LRRC28: variants seen among roughly 807,000 people sequenced by gnomAD.
LRRC28 encodes leucine rich repeat containing 28, also known as leucine-rich repeat-containing protein 28.
A neutral mutation model predicts 45.7 loss-of-function variants in LRRC28; 39 were observed. The observed-to-expected ratio is 0.85, with a 90% confidence interval of 0.66 to 1.12. LRRC28 has a LOEUF of 1.12. Ranked by LOEUF, LRRC28 falls within the 50% of genes most tolerant of loss-of-function variation. The pLI, the probability that LRRC28 is intolerant of heterozygous loss-of-function variation, is 0.00. For missense variants in LRRC28, 435 were observed against 438.5 expected (o/e 0.99, Z 0.07); for synonymous variants, 206 against 178.8 (o/e 1.15, Z -1.22).
chr15:99,308,383 G>A (rs773033979), intron 5 of LRRC28, among the ~76,000 whole-genome samples: 1 of 152,074 alleles, frequency 6.6e-6, no homozygotes, highest in Non-Finnish European at 1.5e-5. Flanking sequence ...TCATGTACTA[G>A]TGACAGATCA....
intron 2 of LRRC28, among the ~76,000 whole-genome samples, chr15:99,260,618 G>T (rs1000782607): frequency 6.6e-6 from 1 of 152,216 alleles, no homozygotes; most frequent in Non-Finnish European, 1.5e-5. Context: ...TCAGATATAT[G>T]ACAGCTTACA....
At chr15:99,259,628 G>T in intron 2 of LRRC28, 1 of 1,488,024 alleles carries the variant, frequency 6.7e-7, no homozygotes, top group Non-Finnish European at 9.4e-7. Flanking sequence ...AACGGGCAAG[G>T]GCATCTCTAC....
intron 5 of LRRC28, among the ~76,000 whole-genome samples, chr15:99,313,641 C>A (rs763102256): frequency 6.6e-6 from 1 of 152,160 alleles, no homozygotes; most frequent in Non-Finnish European, 1.5e-5. Context: ...TCTTATAGGG[C>A]AGGTTTGCTA....
chr15:99,381,848 T>C (rs534755243), intron 9 of LRRC28, among the ~76,000 whole-genome samples: 3 of 152,330 alleles, frequency 2.0e-5, no homozygotes, highest in African/African-American at 7.2e-5. Context: ...GAACAGCAAA[T>C]ATTGCTGAAC....
In LRRC28 at chr15:99,310,915, G is replaced by T. The variant is rs111262385; in HGVS notation, c.385+22964G>T. Among the ~76,000 whole-genome samples the T allele has an allele frequency of 7.9e-5, 12 of 152,202 alleles. 2 individuals carry two copies. Among genetic ancestry groups the T allele is most frequent in the African/African-American group, 2.9e-4 (12 of 41,536 alleles). On this transcript the variant is annotated intron_variant, in intron 5 of 9. Transcript: ENST00000301981. The stretch of plus-strand genomic sequence containing the variant: ...TTTCTTATCACTGTTACCCACAGAG[G>T]TATTTGCAGGCCTTTTTGACATTTT...
chr15:99,313,554 A>C (rs1003122043), intron 5 of LRRC28, among the ~76,000 whole-genome samples: 1 of 152,178 alleles, frequency 6.6e-6, no homozygotes, highest in African/African-American at 2.4e-5. Flanking sequence ...CCATAAAGCA[A>C]TTCAAAAGAA....
At chr15:99,335,023 T>G (rs778508916) in intron 6 of LRRC28, among the ~76,000 whole-genome samples, 42 of 152,166 alleles carry the variant, frequency 2.8e-4, no homozygotes, top group Non-Finnish European at 5.6e-4. Context: ...TAATCAAATT[T>G]GAGGAGATTA....
intron 9 of LRRC28, among the ~76,000 whole-genome samples, chr15:99,369,010 A>G (rs73464677): frequency 0.018 from 2,711 of 152,262 alleles, 78 homozygotes; most frequent in African/African-American, 0.062. Context: ...TTTCCATCCA[A>G]CAGAACACAA....
chr15:99,358,866 T>A (rs1597425036), intron 7 of LRRC28, among the ~76,000 whole-genome samples: 1 of 152,162 alleles, frequency 6.6e-6, no homozygotes, highest in South Asian at 2.1e-4. Flanking sequence ...TCACTTGAGG[T>A]CAGAAGTTCA....
intron 2 of LRRC28, among the ~76,000 whole-genome samples, chr15:99,274,149 A>C (rs1016122194): frequency 2.0e-5 from 3 of 152,234 alleles, no homozygotes; most frequent in African/African-American, 7.2e-5. Flanking sequence ...AATGAAATAC[A>C]AATGGTACTG....
intron 3 of LRRC28, among the ~76,000 whole-genome samples, chr15:99,284,324 C>T (rs1200231825): frequency 6.6e-6 from 1 of 151,864 alleles, no homozygotes; most frequent in African/African-American, 2.4e-5. Context: ...GATCACACTA[C>T]TATATTTAGC....
At chr15:99,305,527 G>C (rs1164729743) in intron 5 of LRRC28, among the ~76,000 whole-genome samples, 1 of 151,998 alleles carries the variant, frequency 6.6e-6, no homozygotes, top group Non-Finnish European at 1.5e-5. Context: ...ATGTTTATAA[G>C]AAAAAAGTAT....
At chr15:99,284,698 G>T in intron 3 of LRRC28, 1 of 515,798 alleles carries the variant, frequency 1.9e-6, no homozygotes, top group South Asian at 1.4e-5. Flanking sequence ...GTTTGGCCAA[G>T]TATTGGACTC....
chr15:99,354,427 A>G (rs1002817103), intron 7 of LRRC28, among the ~76,000 whole-genome samples: 2 of 152,136 alleles, frequency 1.3e-5, no homozygotes, highest in African/African-American at 4.8e-5. Context: ...AGTTCAAAGT[A>G]GTGTTGCTTA....
chr15:99,321,942 T>C (rs1296323832), intron 5 of LRRC28, among the ~76,000 whole-genome samples: 2 of 152,154 alleles, frequency 1.3e-5, no homozygotes, highest in South Asian at 2.1e-4. Context: ...GATGCTACAA[T>C]TGAGAAATAG....
intron 6 of LRRC28, among the ~76,000 whole-genome samples, chr15:99,340,332 G>A (rs904254047): frequency 1.3e-5 from 2 of 152,146 alleles, no homozygotes; most frequent in African/African-American, 4.8e-5. Context: ...TTTGTAAATG[G>A]CATATAAAAG....
In LRRC28 at chr15:99,361,343, G is replaced by A. The variant is rs752287069; in HGVS notation, c.703G>A (p.Ala235Thr). 1.2e-6 allele frequency: 2 copies of A among 1,612,186 alleles called. No individual in the cohort carries two copies. The highest frequency in any genetic ancestry group is 1.3e-5 in the African/African-American group (1 of 74,946). ...NKVIGCSGCG[A>T]PIQVSEVKLL... ...ATGTGTGTCTTTCTGCAGCTGTGGTGCTCCCATTCAAGTTTCCGAGGTGAA... is the reference window on the plus strand; with the variant it reads ...ATGTGTGTCTTTCTGCAGCTGTGGTACTCCCATTCAAGTTTCCGAGGTGAA... Residue 235 changes from alanine to threonine, a missense_variant, in exon 8 of 10, where the codon GCT (alanine) becomes ACT (threonine). Coordinates refer to ENST00000301981, the MANE Select transcript of LRRC28 (RefSeq NM_144598.5).
chr15:99,376,262 T>G (rs1312387587), intron 9 of LRRC28, among the ~76,000 whole-genome samples: 2 of 152,176 alleles, frequency 1.3e-5, no homozygotes, highest in Admixed American at 6.5e-5. Context: ...AACTGTGGTG[T>G]TTAATTTCTA....
chr15:99,384,000 A>T (rs1957908694), intron 9 of LRRC28, among the ~76,000 whole-genome samples: 1 of 152,210 alleles, frequency 6.6e-6, no homozygotes, highest in Admixed American at 6.5e-5. Context: ...TGGCCAATGT[A>T]CTTAGAATCC....
Sources: gnomAD v4.1 joint callset for allele counts (sites outside exome capture counted in the v4.1 genomes callset) on GRCh38, gnomAD v4.1.1 for gene constraint, MANE v1.5 for transcripts, NCBI Gene and HGNC (gene_info 2026-07-23, HGNC 2026-07-21) for gene names.